DNAJC11: variants seen among roughly 807,000 people sequenced by gnomAD.
The protein encoded by DNAJC11 is DnaJ heat shock protein family (Hsp40) member C11, also known as dnaJ homolog subfamily C member 11.
In DNAJC11, 15 loss-of-function variants were observed where a neutral mutation model predicts 78.6. The ratio of observed to expected loss-of-function variants is 0.19; its 90% confidence interval spans 0.13 to 0.29. DNAJC11 has a LOEUF of 0.29. Among genes scored for constraint, DNAJC11 ranks in the 10% least tolerant of loss-of-function variants. The probability of loss-of-function intolerance (pLI) is 1.00; values close to 1 mark genes in which losing one functional copy is unlikely to be tolerated. For missense variants in DNAJC11, 547 were observed against 709.6 expected, an observed-to-expected ratio of 0.77 and a Z score of 2.60; for synonymous variants, 292 against 272.1, an observed-to-expected ratio of 1.07 and a Z score of -0.72.
chr1:6,655,150 T>C (rs1642108649), intron 4 of DNAJC11, among the ~76,000 whole-genome samples: 1 of 152,190 alleles, frequency 6.6e-6, no homozygotes, highest in African/African-American at 2.4e-5. Flanking sequence ...ACCCTAATAA[T>C]TACTTGATTT....
intron 10 of DNAJC11, among the ~76,000 whole-genome samples, chr1:6,643,522 G>C (rs548515504): frequency 6.6e-6 from 1 of 151,782 alleles, no homozygotes; most frequent in Admixed American, 6.6e-5. Flanking sequence ...TGATCTGCCC[G>C]CCTTGGCCTC....
At position 6,634,825 on chromosome 1, in the gene DNAJC11, G is replaced by A; in HGVS notation, c.*850C>T. Reference sequence around the variant, plus strand: ...GGCCGGGCCTGGGGTCCACGCCTTTGGGTTGGGTGTGTCTGATGTCTTGCC... The same window carrying A: ...GGCCGGGCCTGGGGTCCACGCCTTTAGGTTGGGTGTGTCTGATGTCTTGCC... On this transcript the variant is annotated 3_prime_UTR_variant, in exon 16 of 16. Transcript: ENST00000377577. The A allele has an allele frequency of 8.0e-7, 1 of 1,256,200 alleles. No individual in the cohort carries two copies. Among genetic ancestry groups the A allele is most frequent in the Non-Finnish European group, 1.0e-6 (1 of 963,534 alleles). The allele number at this position is 1,256,200 out of a possible 1,614,324, so 77.8% of individuals were successfully genotyped here.
chr1:6,635,568 A>G lies in DNAJC11; in HGVS notation c.*107T>C, dbSNP rs1271145559. ...GATAATGGTACCACCTTCTATAATA[A>G]TAATATAAAATAAAAACATCTGATG... On this transcript the variant is annotated 3_prime_UTR_variant, in exon 16 of 16. Coordinates refer to ENST00000377577, the MANE Select transcript of DNAJC11 (RefSeq NM_018198.4). 8.5e-7 allele frequency: 1 copy of G among 1,173,930 alleles called. No individual in the cohort carries two copies. The highest frequency in any genetic ancestry group is 1.6e-5 in the African/African-American group (1 of 64,048). 72.7% of individuals were successfully genotyped at this position (1,173,930 alleles called of 1,614,324 possible). A position where few individuals can be genotyped will look rare whatever the true frequency, so the allele number is the denominator to read the frequency against.
chr1:6,694,686 C>T (rs1324986627), intron 1 of DNAJC11, among the ~76,000 whole-genome samples: 2 of 151,866 alleles, frequency 1.3e-5, no homozygotes, highest in Admixed American at 6.6e-5. Context: ...TTTTTTTTGG[C>T]TGGGCGCGGT....
At chr1:6,649,663 AG>A (rs1184723010) in intron 7 of DNAJC11, among the ~76,000 whole-genome samples, 2 of 151,792 alleles carry the variant, frequency 1.3e-5, no homozygotes, top group African/African-American at 2.4e-5. Flanking sequence ...ACCCCTGCAG[AG>A]CGTGGCAGGC....
chr1:6,667,254 T>G (rs926982778), intron 4 of DNAJC11, among the ~76,000 whole-genome samples: 4 of 152,132 alleles, frequency 2.6e-5, no homozygotes, highest in Non-Finnish European at 4.4e-5. Flanking sequence ...GCCCTCTGCA[T>G]TATTTGGCTC....
chr1:6,687,456 A>G lies in DNAJC11; in HGVS notation c.73-6419T>C, dbSNP rs156990. Among the ~76,000 whole-genome samples the G allele has an allele frequency of 4.2e-3, 619 of 147,442 alleles. 6 individuals carry two copies. Among genetic ancestry groups the G allele is most frequent in the African/African-American group, 0.015 (586 of 39,722 alleles). ...ACTGCAAGCTCCGCCTCCCGGGTTCATGCCATTCTCCTGCCTCAGCCTCTT... is the reference window on the plus strand; with the variant it reads ...ACTGCAAGCTCCGCCTCCCGGGTTCGTGCCATTCTCCTGCCTCAGCCTCTT... On this transcript the variant is annotated intron_variant, in intron 1 of 15. Coordinates refer to ENST00000377577, the MANE Select transcript of DNAJC11 (RefSeq NM_018198.4).
intron 3 of DNAJC11, among the ~76,000 whole-genome samples, chr1:6,676,921 C>G (rs1276267409): frequency 2.0e-5 from 3 of 152,054 alleles, no homozygotes; most frequent in Non-Finnish European, 4.4e-5. Context: ...TGCCTGTAAT[C>G]CCAGCACTTT....
intron 2 of DNAJC11, among the ~76,000 whole-genome samples, chr1:6,679,486 T>C (rs367546863): frequency 5.3e-5 from 8 of 152,204 alleles, no homozygotes; most frequent in African/African-American, 1.7e-4. Context: ...CTCTTCCCCC[T>C]CTGCTTCACC....
chr1:6,665,926 G>A (rs189740842), intron 4 of DNAJC11, among the ~76,000 whole-genome samples: 20 of 152,296 alleles, frequency 1.3e-4, no homozygotes, highest in Admixed American at 1.0e-3. Context: ...ACCTGGCTGG[G>A]AGATCCAAGC....
intron 3 of DNAJC11, among the ~76,000 whole-genome samples, chr1:6,673,938 C>T (rs1175245332): frequency 1.3e-5 from 2 of 152,150 alleles, no homozygotes; most frequent in Non-Finnish European, 2.9e-5. Flanking sequence ...CAGACAAAAA[C>T]CAAACTGCAG....
chr1:6,697,201 T>A lies in DNAJC11; in HGVS notation c.72+4528A>T, dbSNP rs374360572. Reference sequence around the variant, plus strand: ...AGTGTGAGGCAGGCACGACAGATGATGGCCCTGCTCTGTAAACAGGAAATC... The same window carrying A: ...AGTGTGAGGCAGGCACGACAGATGAAGGCCCTGCTCTGTAAACAGGAAATC... On this transcript the variant is annotated intron_variant, in intron 1 of 15. Transcript: ENST00000377577. Among the ~76,000 whole-genome samples the A allele has an allele frequency of 6.6e-5, 10 of 152,308 alleles. No individual in the cohort carries two copies. In the East Asian group the frequency reaches 1.9e-3, roughly 29 times the overall value.
intron 1 of DNAJC11, among the ~76,000 whole-genome samples, chr1:6,688,067 A>C (rs576308832): frequency 5.3e-5 from 8 of 152,166 alleles, no homozygotes; most frequent in Non-Finnish European, 1.0e-4. Context: ...CTAGTGCAAA[A>C]GGTGATAAAG....
chr1:6,640,752 T>C (rs1163700994), intron 10 of DNAJC11, among the ~76,000 whole-genome samples: 1 of 151,892 alleles, frequency 6.6e-6, no homozygotes, highest in East Asian at 1.9e-4. Context: ...GGGAGAACGC[T>C]TCAACCCAGG....
chr1:6,652,540 C>A (rs994136915), intron 6 of DNAJC11, among the ~76,000 whole-genome samples: 2 of 152,094 alleles, frequency 1.3e-5, no homozygotes, highest in African/African-American at 4.8e-5. Flanking sequence ...ATGTGATTCT[C>A]GTGATTCTCC....
intron 1 of DNAJC11, among the ~76,000 whole-genome samples, chr1:6,693,753 T>C (rs1264555056): frequency 6.6e-6 from 1 of 152,044 alleles, no homozygotes; most frequent in Non-Finnish European, 1.5e-5. Context: ...TCGCCCAGCC[T>C]AGAGTGTGGT....
rs1407048839 is a variant in DNAJC11 at position 6,635,682 on chromosome 1, T to C, written c.1673A>G (p.Asp558Gly). The change falls in exon 16 of 16, where the codon GAT becomes GGT. Residue 558 changes from aspartate to glycine, a missense_variant. Transcript: ENST00000377577. The stretch of plus-strand genomic sequence containing the variant: ...AATCTGGTTCTTGGCAGTTTATCCA[T>C]CTGTATCGATCCTGTGGGCTGTAAA... ...IPKQSHRIDT[D>G]G 6.2e-7 allele frequency: 1 copy of C among 1,614,200 alleles called. No homozygotes were observed. The highest frequency in any genetic ancestry group is 1.7e-5 in the Admixed American group (1 of 60,018).
intron 3 of DNAJC11, among the ~76,000 whole-genome samples, chr1:6,673,195 CAAAAAAAAA>C (rs70981399): frequency 1.9e-3 from 75 of 39,306 alleles, no homozygotes; most frequent in Non-Finnish European, 2.4e-3. Context: ...AACTCCATCT[CAAAAAAAAA>C]AAAAAAAAAA....
At position 6,678,404 on chromosome 1, in the gene DNAJC11, T is replaced by G; in HGVS notation, c.266A>C (p.Glu89Ala). 1.2e-6 allele frequency: 2 copies of G among 1,614,012 alleles called. No homozygotes were observed. The highest frequency in any genetic ancestry group is 1.7e-6 in the Non-Finnish European group (2 of 1,179,918). Residue 89 changes from glutamate (E) to alanine (A), a missense_variant, in exon 3 of 16, where the codon GAA (glutamate) becomes GCA (alanine). By Grantham distance (107) the Glu-to-Ala change is moderately radical. Transcript: ENST00000377577. ...DIYGKRGLEMEGWEVVERRRT... is the reference protein window; with the variant it reads ...DIYGKRGLEMAGWEVVERRRT... ...CACAGTTTCTCTTACCTCCCATCCT[T>G]CCATTTCCAGTCCTCTCTTCCCATA...
Sources: gnomAD v4.1 joint callset for allele counts (sites outside exome capture counted in the v4.1 genomes callset) on GRCh38, gnomAD v4.1.1 for gene constraint, MANE v1.5 for transcripts, NCBI Gene and HGNC (gene_info 2026-07-23, HGNC 2026-07-21) for gene names.